IFT140: variants seen among roughly 807,000 people sequenced by gnomAD.
IFT140 encodes intraflagellar transport 140, also known as intraflagellar transport protein 140 homolog.
In IFT140, 133 loss-of-function variants were observed where a neutral mutation model predicts 164.6. The observed-to-expected ratio is 0.81, with a 90% CI of 0.70 to 0.93. The LOEUF is 0.93. IFT140 is among the 40% of genes least tolerant of loss of function. The pLI is 0.00. For synonymous variants in IFT140, 860 were observed against 817.3 expected (o/e 1.05, Z -0.89); for missense variants, 2,045 against 1,972.3 (o/e 1.04, Z -0.70).
chr16:1,578,608 G>A (rs1019685482), intron 13 of IFT140, among the ~76,000 whole-genome samples: 19 of 151,890 alleles, frequency 1.3e-4, no homozygotes, highest in African/African-American at 2.7e-4. Flanking sequence ...ATGGCCGGGC[G>A]TGGTGGCTCA....
chr16:1,592,898 G>A (rs1054450594), intron 4 of IFT140, among the ~76,000 whole-genome samples: 10 of 151,332 alleles, frequency 6.6e-5, no homozygotes, highest in Non-Finnish European at 1.3e-4. Flanking sequence ...TGGAAGGACA[G>A]GTGCCCTGGC....
At chr16:1,532,991 C>A (rs1266368363) in intron 19 of IFT140, 2 of 152,496 alleles carry the variant, frequency 1.3e-5, no homozygotes, top group Non-Finnish European at 2.9e-5. Context: ...CTGAGAGCCC[C>A]ACCCAGCACA....
chr16:1,528,409 AT>A (rs2030017324), intron 19 of IFT140, among the ~76,000 whole-genome samples: 1 of 144,784 alleles, frequency 6.9e-6, no homozygotes, highest in Non-Finnish European at 1.5e-5. Flanking sequence ...ATGCACACAC[AT>A]GGACGCACAT....
rs886051768 is a variant in IFT140 at position 1,589,661 on chromosome 16, G to A, written c.754C>T (p.Leu252Phe). 3 of 1,614,170 alleles carry A rather than the reference G, an allele frequency of 1.9e-6. No individual in the cohort carries two copies. Among genetic ancestry groups the A allele is most frequent in the Middle Eastern group, 1.6e-4 (1 of 6,062 alleles). The change falls in exon 7 of 31, where the codon CTC becomes TTC. Residue 252 changes from leucine (L) to phenylalanine (F), a missense_variant. Coordinates refer to ENST00000426508, the MANE Select transcript of IFT140 (RefSeq NM_014714.4). ...REALVVVTENLRLSLYTVPPE... is the reference protein window; with the variant it reads ...REALVVVTENFRLSLYTVPPE... ...GGCACCGTGTACAGGGACAGCCGGA[G>A]GTTCTCTGTGACCACCACCAGTGCC... is the stretch of plus-strand genomic sequence containing the variant.
intron 19 of IFT140, among the ~76,000 whole-genome samples, chr16:1,557,207 G>A (rs926143196): frequency 1.3e-5 from 2 of 152,218 alleles, no homozygotes; most frequent in Non-Finnish European, 2.9e-5. Flanking sequence ...GGGGCCGGGC[G>A]GTGCTGCTCA....
intron 22 of IFT140, 104 bp from the exon 23 acceptor site, chr16:1,525,020 C>T (rs1337939638): frequency 4.8e-6 from 7 of 1,469,868 alleles, no homozygotes; most frequent in Non-Finnish European, 5.5e-6. Flanking sequence ...TGTCACCTGA[C>T]CTGCAAACAG....
Position 1,553,285 on chromosome 16 carries a change from T to A in IFT140, c.2399+4650A>T. ...CTCTCTTGGTCTCTGTCTCTCTGTG[T>A]CTCTGCCTGTCTCTCTGTGTCTCTG... On this transcript the variant is annotated intron_variant, in intron 19 of 30. Coordinates refer to ENST00000426508, the MANE Select transcript of IFT140 (RefSeq NM_014714.4). This position sits in a 1 kb window ranked among gnomAD's most constrained non-coding sequence, Gnocchi z 4.4. The A allele has an allele frequency of 1.0e-6, 1 of 982,180 alleles. No individual in the cohort carries two copies. 60.8% of individuals were successfully genotyped at this position (982,180 alleles called of 1,614,324 possible).
intron 4 of IFT140, among the ~76,000 whole-genome samples, chr16:1,601,841 T>G (rs780541576): frequency 6.6e-6 from 1 of 152,268 alleles, no homozygotes; most frequent in Non-Finnish European, 1.5e-5. Context: ...GTGAATGTGT[T>G]ACCTGTGGTT....
At position 1,515,999 on chromosome 16, in the gene IFT140, G is replaced by C. The variant is rs575113436; in HGVS notation, c.4182+2217C>G. Among the ~76,000 whole-genome samples, 4 of 151,982 alleles carry C rather than the reference G, an allele frequency of 2.6e-5. No homozygotes were observed. In the South Asian group the frequency reaches 8.3e-4, roughly 32 times the overall value. ...CCCCTAAAAATACAAAATTAGCCAG[G>C]CGTGGTGGCGCATGCCTGTAATCCC... On this transcript the variant is annotated intron_variant, in intron 30 of 30. Transcript: ENST00000426508.
chr16:1,556,544 G>A (rs1045471887), intron 19 of IFT140, among the ~76,000 whole-genome samples: 8 of 152,274 alleles, frequency 5.3e-5, no homozygotes, highest in Non-Finnish European at 8.8e-5. Context: ...CTTCTAGCGA[G>A]TTGAGGGGAT....
rs1388800588 is a variant in IFT140 at position 1,520,358 on chromosome 16, A to G, written c.3661-15T>C. 2 of 1,613,062 alleles carry G rather than the reference A, an allele frequency of 1.2e-6. No individual in the cohort carries two copies. Among genetic ancestry groups the G allele is most frequent in the South Asian group, 1.1e-5 (1 of 91,074 alleles). On this transcript the variant is annotated splice_polypyrimidine_tract_variant and intron_variant, in intron 27 of 30. Coordinates refer to ENST00000426508, the MANE Select transcript of IFT140 (RefSeq NM_014714.4). ...GCCCTCATGGCCTAGGCAGAGAGAC[A>G]GCGGGGCTCAGGCAAGCAGGGGCTG...
intron 16 of IFT140, 128 bp downstream of exon 16, chr16:1,566,031 CTT>C (rs1366209349): frequency 1.3e-6 from 1 of 796,006 alleles, no homozygotes; most frequent in Non-Finnish European, 2.0e-6. Flanking sequence ...CTGTTTTCCT[CTT>C]TCTTTTTCCT....
rs757621464 is a variant in IFT140, at chr16:1,518,176, T to A, written c.4182+40A>T. 23 of 1,568,980 alleles carry A rather than the reference T, an allele frequency of 1.5e-5. No homozygotes were observed. In the East Asian group the frequency reaches 5.2e-4, roughly 35 times the overall value. ...TTAAGCCTTCGTTTCAGGAGCCTTG[T>A]GTGGCGGGATGCTGCTAGTGAGCAG... On this transcript the variant is annotated intron_variant, in intron 30 of 30. Coordinates refer to ENST00000426508, the MANE Select transcript of IFT140 (RefSeq NM_014714.4).
At chr16:1,586,064 C>G in intron 10 of IFT140, 66 bp downstream of exon 10, 2 of 1,593,392 alleles carry the variant, frequency 1.3e-6, no homozygotes, top group Non-Finnish European at 8.5e-7. Context: ...AGCCACCGCG[C>G]CCGGCCATGG....
intron 19 of IFT140, among the ~76,000 whole-genome samples, chr16:1,550,734 T>A (rs1357475455): frequency 1.3e-5 from 2 of 152,206 alleles, no homozygotes. Context: ...ACCCTCCACA[T>A]AGGGCAAGGC....
chr16:1,563,406 T>C (rs1046724206), intron 17 of IFT140, among the ~76,000 whole-genome samples: 1 of 150,234 alleles, frequency 6.7e-6, no homozygotes, highest in African/African-American at 2.4e-5. Context: ...TGAGCTGAGA[T>C]TGCACCACTG....
rs570001066 is a variant in IFT140 at position 1,540,150 on chromosome 16, C to T, written c.2400-13354G>A. Among the ~76,000 whole-genome samples, 97 of 152,344 alleles carry T rather than the reference C, an allele frequency of 6.4e-4. No homozygotes were observed. The South Asian group carries it at 0.02, about 31-fold the overall frequency. ...CCTAGACTGAGACGATCCCACACAC[C>T]ACCTCAGCCTGGGGCCGGGGCAGAT... On this transcript the variant is annotated intron_variant, in intron 19 of 30. Coordinates refer to ENST00000426508, the MANE Select transcript of IFT140 (RefSeq NM_014714.4).
Position 1,564,674 on chromosome 16 carries a change from G to A in IFT140, c.1902-512C>T, listed in dbSNP as rs2033615117. On this transcript the variant is annotated intron_variant, in intron 16 of 30. Coordinates refer to ENST00000426508, the MANE Select transcript of IFT140 (RefSeq NM_014714.4). The surrounding 1 kb of genome is among the most constrained non-coding windows in gnomAD (Gnocchi z 5.5). ...ACAAAATGCTGTGGGGAAACACAAT[G>A]ATGTGCCGGCAGACGACACACAAGG... Among the ~76,000 whole-genome samples, 1 of 152,196 alleles carries A rather than the reference G, an allele frequency of 6.6e-6. No individual in the cohort carries two copies. Among genetic ancestry groups the A allele is most frequent in the African/African-American group, 2.4e-5 (1 of 41,452 alleles).
intron 4 of IFT140, 52 bp downstream of exon 4, chr16:1,602,318 T>C (rs1032565085): frequency 5.4e-6 from 8 of 1,495,074 alleles, no homozygotes; most frequent in Admixed American, 1.7e-5. Context: ...CTCTCGAGCA[T>C]GGTCAGAAAG....
Sources: gnomAD v4.1 joint callset for allele counts (sites outside exome capture counted in the v4.1 genomes callset) on GRCh38, gnomAD v4.1.1 for gene constraint, Gnocchi (gnomAD v3.1) non-coding constraint, MANE v1.5 for transcripts, NCBI Gene and HGNC (gene_info 2026-07-23, HGNC 2026-07-21) for gene names.